The following SETBP1 variants were observed in gnomAD, a reference collection of about 807,000 sequenced individuals.
The protein encoded by SETBP1 is SET-binding protein.
Under a neutral mutation model 101.0 loss-of-function variants are expected in SETBP1, and 9 were observed. The ratio of observed to expected loss-of-function variants is 0.09; its 90% CI spans 0.05 to 0.16. The LOEUF is 0.16. SETBP1 is among the 10% of genes least tolerant of loss of function. The pLI is 1.00. For missense variants in SETBP1, 1,858 were observed against 2,033.8 expected (o/e 0.91, Z 1.66); for synonymous variants, 818 against 788.5 (o/e 1.04, Z -0.63).
chr18:44,704,974 C>A (rs1370159501), intron 2 of SETBP1, among the ~76,000 whole-genome samples: 2 of 152,138 alleles, frequency 1.3e-5, no homozygotes, highest in Non-Finnish European at 2.9e-5. Flanking sequence ...GATCTTTGAG[C>A]TGCTAGTGAT....
At chr18:44,954,013 A>G (rs887043817) in intron 4 of SETBP1, among the ~76,000 whole-genome samples, 1 of 152,198 alleles carries the variant, frequency 6.6e-6, no homozygotes, top group Non-Finnish European at 1.5e-5. Flanking sequence ...GGAAGGTGAT[A>G]TGTGCCTCCT....
At chr18:44,925,019 T>TTTG (rs1568219288) in intron 3 of SETBP1, among the ~76,000 whole-genome samples, 1 of 144,548 alleles carries the variant, frequency 6.9e-6, no homozygotes, top group African/African-American at 2.5e-5. Flanking sequence ...TTTTTTTTTT[T>TTTG]TTTTTTTTTT....
At chr18:45,058,530 G>A (rs186641583) in intron 5 of SETBP1, among the ~76,000 whole-genome samples, 7 of 152,278 alleles carry the variant, frequency 4.6e-5, no homozygotes, top group Admixed American at 4.6e-4. Flanking sequence ...GCCATCCAAT[G>A]TAACAGATGA....
At chr18:44,827,271 G>A (rs28613621) in intron 2 of SETBP1, among the ~76,000 whole-genome samples, 4,125 of 152,232 alleles carry the variant, frequency 0.027, 194 homozygotes, top group African/African-American at 0.093. Flanking sequence ...AAAAACAAAA[G>A]CTTGTGACGA....
At chr18:44,987,016 C>A (rs1175383848) in intron 4 of SETBP1, 1 of 152,044 alleles carries the variant, frequency 6.6e-6, no homozygotes, top group Non-Finnish European at 1.5e-5. Flanking sequence ...ATGTACCGTA[C>A]CTAGTCCTAT....
chr18:44,952,748 G>C lies in SETBP1; in HGVS notation c.3408G>C (p.Lys1136Asn). 3.7e-6 allele frequency: 6 copies of C among 1,614,076 alleles called. No homozygotes were observed. The highest frequency in any genetic ancestry group is 5.1e-6 in the Non-Finnish European group (6 of 1,180,014). ...TGCAGCCTTCTCTGAACCCTCCCAA[G>C]GTAGGCAGTGCCAGTCTGTCCAGTG... ...GDMQPSLNPP[K>N]VGSASLSSGR... Residue 1136 changes from lysine (K) to asparagine (N), a missense_variant, in exon 4 of 6, where the codon AAG (lysine) becomes AAC (asparagine). Around this residue, in one of 12 missense-constraint regions of SETBP1, gnomAD observed 417 missense variants for 389.1 expected, o/e 1.07. Transcript: ENST00000649279.
chr18:45,011,399 C>A (rs1053537512), intron 4 of SETBP1, among the ~76,000 whole-genome samples: 1 of 152,142 alleles, frequency 6.6e-6, no homozygotes, highest in East Asian at 1.9e-4. Flanking sequence ...ACTAGGGCAG[C>A]CTGTGCCATC....
At chr18:45,051,493 C>T (rs926086548) in intron 5 of SETBP1, among the ~76,000 whole-genome samples, 5 of 152,126 alleles carry the variant, frequency 3.3e-5, no homozygotes, top group African/African-American at 1.2e-4. Context: ...GGAGGCTATA[C>T]ATGTGCTGGG....
chr18:45,048,554 A>G lies in SETBP1; in HGVS notation c.4171+9899A>G, dbSNP rs1200869294. Among the ~76,000 whole-genome samples, 6 of 152,286 alleles carry G rather than the reference A, an allele frequency of 3.9e-5. No individual in the cohort carries two copies. In the South Asian group the frequency reaches 1.0e-3, roughly 26 times the overall value. ...ACACAGTCCAAGTCCCCTACCCTTG[A>G]GGGCGTTAGTGGCTATATCAAGCTC... On this transcript the variant is annotated intron_variant, in intron 5 of 5. Transcript: ENST00000649279.
In SETBP1 at chr18:45,054,623, T is replaced by C. The variant is rs183220656; in HGVS notation, c.4172-8456T>C. On this transcript the variant is annotated intron_variant, in intron 5 of 5. Coordinates refer to ENST00000649279, the MANE Select transcript of SETBP1 (RefSeq NM_015559.3). Reference sequence around the variant, plus strand: ...CTTACAGGGAGCTATAATCTCATCTTTTGCTGGTTCTCTTATTTCTGAGGT... The same window carrying C: ...CTTACAGGGAGCTATAATCTCATCTCTTGCTGGTTCTCTTATTTCTGAGGT... Among the ~76,000 whole-genome samples the C allele has an allele frequency of 7.6e-4, 116 of 152,370 alleles. 1 individual carries two copies. The highest frequency in any genetic ancestry group is 2.8e-3 in the African/African-American group (115 of 41,584).
At chr18:44,712,757 GGTCCTC>G (rs1176808312) in intron 2 of SETBP1, among the ~76,000 whole-genome samples, 1 of 151,888 alleles carries the variant, frequency 6.6e-6, no homozygotes, top group African/African-American at 2.4e-5. Flanking sequence ...ATCCAGAAAG[GGTCCTC>G]GAATGAGAAG....
chr18:44,914,056 A>G (rs2070374197), intron 3 of SETBP1, among the ~76,000 whole-genome samples: 1 of 152,236 alleles, frequency 6.6e-6, no homozygotes, highest in Non-Finnish European at 1.5e-5. Context: ...GCTGGGGGAC[A>G]GGCCCTAGAC....
At chr18:44,877,782 A>G (rs904609608) in intron 3 of SETBP1, among the ~76,000 whole-genome samples, 2 of 151,846 alleles carry the variant, frequency 1.3e-5, no homozygotes, top group African/African-American at 2.4e-5. Flanking sequence ...TTTTTTAACC[A>G]GTATTGGCAT....
intron 2 of SETBP1, among the ~76,000 whole-genome samples, chr18:44,774,212 C>T (rs1317596011): frequency 2.0e-5 from 3 of 152,130 alleles, no homozygotes; most frequent in Non-Finnish European, 2.9e-5. Context: ...TTGATGTACG[C>T]ATGGATCCTG....
chr18:44,827,872 C>T (rs1402806416), intron 2 of SETBP1, among the ~76,000 whole-genome samples: 1 of 152,156 alleles, frequency 6.6e-6, no homozygotes, highest in African/African-American at 2.4e-5. Flanking sequence ...CCTGTAGTTC[C>T]CTAGGTGGGA....
intron 5 of SETBP1, among the ~76,000 whole-genome samples, chr18:45,052,697 G>A (rs1449627038): frequency 6.6e-6 from 1 of 152,120 alleles, no homozygotes; most frequent in Non-Finnish European, 1.5e-5. Flanking sequence ...GAAAGCAATT[G>A]GTGTGAATTG....
chr18:44,682,612 T>A (rs564511626), intron 1 of SETBP1, among the ~76,000 whole-genome samples: 1 of 152,328 alleles, frequency 6.6e-6, no homozygotes, highest in Non-Finnish European at 1.5e-5. Context: ...CTGTGCTTAG[T>A]CTCATTGCCT....
At chr18:44,775,367 C>T (rs1171451721) in intron 2 of SETBP1, among the ~76,000 whole-genome samples, 1 of 152,188 alleles carries the variant, frequency 6.6e-6, no homozygotes, top group Non-Finnish European at 1.5e-5. Context: ...GAAGATGCTA[C>T]AGTAACATAG....
chr18:44,793,192 G>A lies in SETBP1; in HGVS notation c.487-76038G>A, dbSNP rs146760066. Among the ~76,000 whole-genome samples, 925 of 152,320 alleles carry A rather than the reference G, an allele frequency of 6.1e-3. 13 individuals carry two copies. The highest frequency in any genetic ancestry group is 0.021 in the African/African-American group (869 of 41,570). Reference sequence around the variant, plus strand: ...TGCAGATGCATGTGCTGAATGAGCCGTCATTGGTCTGCTGAACCTCAGTTT... The same window carrying A: ...TGCAGATGCATGTGCTGAATGAGCCATCATTGGTCTGCTGAACCTCAGTTT... On this transcript the variant is annotated intron_variant, in intron 2 of 5. Coordinates refer to ENST00000649279, the MANE Select transcript of SETBP1 (RefSeq NM_015559.3).
Sources: gnomAD v4.1 joint callset for allele counts (sites outside exome capture counted in the v4.1 genomes callset) on GRCh38, gnomAD v4.1.1 for gene constraint, gnomAD v4.1.1 regional missense constraint, MANE v1.5 for transcripts, NCBI Gene and HGNC (gene_info 2026-07-23, HGNC 2026-07-21) for gene names.